Variants in RFX8 observed in about 807,000 individuals in gnomAD.
The protein encoded by RFX8 is regulatory factor X8, also known as DNA-binding protein RFX8.
Under a neutral mutation model 54.6 loss-of-function variants are expected in RFX8, and 46 were observed. That is an observed-to-expected ratio of 0.84 (90% confidence interval 0.67 to 1.08). The LOEUF (loss-of-function observed/expected upper bound fraction) is 1.08. Ranked by LOEUF, RFX8 falls within the 50% of genes least tolerant of loss-of-function variation. The probability of loss-of-function intolerance (pLI) is 0.00; values close to 1 mark genes in which losing one functional copy is unlikely to be tolerated. For synonymous variants in RFX8, 192 were observed against 209.5 expected (o/e 0.92, Z 0.72); for missense variants, 536 against 562.3 (o/e 0.95, Z 0.47).
chr2:101,443,483 G>T (rs1688209339), intron 2 of RFX8, among the ~76,000 whole-genome samples: 1 of 152,148 alleles, frequency 6.6e-6, no homozygotes, highest in Non-Finnish European at 1.5e-5. Flanking sequence ...GTGGTAGCTT[G>T]TATTACAAAT....
intron 10 of RFX8, among the ~76,000 whole-genome samples, chr2:101,403,100 T>C (rs1232389817): frequency 6.6e-6 from 1 of 152,196 alleles, no homozygotes; most frequent in African/African-American, 2.4e-5. Context: ...GCCCCATGTA[T>C]GATCCACAGG....
chr2:101,414,966 G>A (rs2104560439), intron 6 of RFX8, 54 bp from the exon 7 acceptor site: 2 of 1,362,642 alleles, frequency 1.5e-6, no homozygotes, highest in Non-Finnish European at 1.0e-6. Context: ...GTTCTCATGT[G>A]GGCAGTGGGG....
chr2:101,461,211 C>T (rs75000785), intron 2 of RFX8, among the ~76,000 whole-genome samples: 12,747 of 141,008 alleles, frequency 0.09, 720 homozygotes, highest in East Asian at 0.24. Context: ...TGCAGTGAGC[C>T]GAGATCACGC....
chr2:101,443,580 G>T (rs767874116), intron 2 of RFX8, among the ~76,000 whole-genome samples: 16 of 152,152 alleles, frequency 1.1e-4, no homozygotes, highest in Non-Finnish European at 1.9e-4. Flanking sequence ...CTACAGACAA[G>T]GATAGAAGAG....
intron 2 of RFX8, among the ~76,000 whole-genome samples, chr2:101,431,387 T>C (rs1025183469): frequency 1.3e-5 from 2 of 152,192 alleles, no homozygotes; most frequent in African/African-American, 4.8e-5. Flanking sequence ...GGCCATCCTA[T>C]TCTCTTGTTA....
At chr2:101,407,459 A>C (rs574637087) in intron 9 of RFX8, among the ~76,000 whole-genome samples, 1 of 152,356 alleles carries the variant, frequency 6.6e-6, no homozygotes, top group South Asian at 2.1e-4. Context: ...TGAGAGGCAG[A>C]CGCAGGTGGA....
chr2:101,421,380 C>A (rs923177050), intron 4 of RFX8: 2 of 1,017,632 alleles, frequency 2.0e-6, no homozygotes, highest in Non-Finnish European at 2.3e-6. Flanking sequence ...AATCAAATGG[C>A]TCTTCGGCAC....
intron 1 of RFX8, among the ~76,000 whole-genome samples, chr2:101,473,117 T>C (rs1690100787): frequency 1.3e-5 from 2 of 152,214 alleles, no homozygotes; most frequent in East Asian, 3.8e-4. Flanking sequence ...AAGCTTGGTC[T>C]AGACCATCAT....
intron 10 of RFX8, 21 bp downstream of exon 10, chr2:101,405,922 C>T (rs1193391689): frequency 7.1e-7 from 1 of 1,404,366 alleles, no homozygotes; most frequent in African/African-American, 1.4e-5. Context: ...ATACAAAATA[C>T]TTTCTTATTC....
chr2:101,468,618 T>A (rs1689714131), intron 1 of RFX8, among the ~76,000 whole-genome samples: 1 of 152,020 alleles, frequency 6.6e-6, no homozygotes, highest in Non-Finnish European at 1.5e-5. Context: ...CTTATCAACA[T>A]ACCAGTGACT....
intron 2 of RFX8, among the ~76,000 whole-genome samples, chr2:101,446,514 A>C (rs1355019323): frequency 6.9e-6 from 1 of 144,178 alleles, no homozygotes; most frequent in Non-Finnish European, 1.5e-5. Context: ...CATAGAGTAC[A>C]TGAAAAGCAC....
chr2:101,399,236 G>A (rs970995068), intron 11 of RFX8, among the ~76,000 whole-genome samples: 4 of 152,200 alleles, frequency 2.6e-5, no homozygotes, highest in African/African-American at 7.2e-5. Context: ...GGTGTTAAAC[G>A]GTGGCAGATG....
chr2:101,473,447 G>T (rs1297368203), intron 1 of RFX8, among the ~76,000 whole-genome samples: 2 of 152,074 alleles, frequency 1.3e-5, no homozygotes, highest in East Asian at 1.9e-4. Flanking sequence ...TGTCAAAAAT[G>T]TTCTTTTGGA....
intron 2 of RFX8, among the ~76,000 whole-genome samples, chr2:101,466,145 C>G (rs1289777103): frequency 6.6e-6 from 1 of 152,004 alleles, no homozygotes; most frequent in Non-Finnish European, 1.5e-5. Flanking sequence ...TGGCCACATC[C>G]CTTGATGTCA....
chr2:101,464,263 T>C lies in RFX8; in HGVS notation c.72+2514A>G, dbSNP rs191393362. Among the ~76,000 whole-genome samples, 148 of 152,366 alleles carry C rather than the reference T, an allele frequency of 9.7e-4. No homozygotes were observed. The Middle Eastern group carries it at 0.01, about 11-fold the overall frequency. On this transcript the variant is annotated intron_variant, in intron 2 of 11. Coordinates refer to ENST00000428343, the MANE Select transcript of RFX8 (RefSeq NM_001145664.2). ...ATTCTCCTCTAATTTCCACATTTCC[T>C]ACAAAGGGGATGTAGTCCGTTTATA...
rs1685709499 is a variant in RFX8 at position 101,405,999 on chromosome 2, T to G, written c.872A>C (p.Asn291Thr). Residue 291 changes from asparagine to threonine, a missense_variant, in exon 10 of 12, where the codon AAT (asparagine) becomes ACT (threonine). Coordinates refer to ENST00000428343, the MANE Select transcript of RFX8 (RefSeq NM_001145664.2). The part of the protein sequence containing the change: ...KLAASFQLRW[N>T]LLLTAVSKAM... Reference sequence around the variant, plus strand: ...TTTGCTTACAGCAGTGAGAAGAAGATTCCATCTCAGCTGGAAGCTGGCGGC... The same window carrying G: ...TTTGCTTACAGCAGTGAGAAGAAGAGTCCATCTCAGCTGGAAGCTGGCGGC... 1 of 1,549,658 alleles carries G rather than the reference T, an allele frequency of 6.5e-7. No homozygotes were observed. Among genetic ancestry groups the G allele is most frequent in the African/African-American group, 1.4e-5 (1 of 72,948 alleles).
At chr2:101,464,704 C>T (rs1305480712) in intron 2 of RFX8, among the ~76,000 whole-genome samples, 1 of 152,044 alleles carries the variant, frequency 6.6e-6, no homozygotes, top group East Asian at 1.9e-4. Context: ...TAAAGGAATC[C>T]GAGAGTATTG....
chr2:101,432,969 G>A (rs560557018), intron 2 of RFX8, among the ~76,000 whole-genome samples: 13 of 152,262 alleles, frequency 8.5e-5, no homozygotes, highest in African/African-American at 3.1e-4. Flanking sequence ...TGCTCCTCAG[G>A]GCCCAAGCCA....
chr2:101,439,000 A>AC (rs1304396676), intron 2 of RFX8, among the ~76,000 whole-genome samples: 2 of 152,020 alleles, frequency 1.3e-5, no homozygotes, highest in African/African-American at 4.8e-5. Context: ...TTTAGTAGAG[A>AC]CAGGGTTTCA....
Sources: allele counts gnomAD v4.1 joint callset (sites outside exome capture counted in the v4.1 genomes callset), GRCh38; gene constraint gnomAD v4.1.1; transcripts MANE v1.5; gene names NCBI Gene and HGNC (gene_info 2026-07-23, HGNC 2026-07-21).